Variants in SLIT3 observed in about 807,000 individuals in gnomAD.
SLIT3 encodes slit guidance ligand 3, also known as slit homolog 3 protein.
Under a neutral mutation model 184.0 loss-of-function variants are expected in SLIT3, and 68 were observed. The ratio of observed to expected loss-of-function variants is 0.37; its 90% CI spans 0.30 to 0.45. SLIT3 has a LOEUF of 0.45. Ranked by LOEUF, SLIT3 falls within the 20% of genes least tolerant of loss-of-function variation. SLIT3 has a pLI of 1.00. For missense variants in SLIT3, 1,707 were observed against 2,026.0 expected, an observed-to-expected ratio of 0.84 and a Z score of 3.02; for synonymous variants, 831 against 828.6, an observed-to-expected ratio of 1.00 and a Z score of -0.05.
intron 4 of SLIT3, among the ~76,000 whole-genome samples, chr5:168,884,359 G>A (rs746317360): frequency 2.3e-4 from 35 of 150,414 alleles, no homozygotes; most frequent in Non-Finnish European, 3.5e-4. Flanking sequence ...GTGCAGAGCC[G>A]GGGGCTAGGG....
At chr5:169,180,877 C>T (rs1763130920) in intron 4 of SLIT3, among the ~76,000 whole-genome samples, 1 of 152,198 alleles carries the variant, frequency 6.6e-6, no homozygotes, top group African/African-American at 2.4e-5. Context: ...CCCTTGAGAA[C>T]TGGTGGTTGG....
rs1352363656 is a variant in SLIT3, at chr5:168,712,266, G to C, written c.2555+17C>G. On this transcript the variant is annotated intron_variant, in intron 24 of 35. Transcript: ENST00000519560. ...TCATGTTTTGAATGTTCATTGGGGA[G>C]AAACACTGCTACTTACAGATGGGAA... is the stretch of plus-strand genomic sequence containing the variant. 3.1e-6 allele frequency: 5 copies of C among 1,607,372 alleles called. No individual in the cohort carries two copies.
intron 14 of SLIT3, among the ~76,000 whole-genome samples, chr5:168,769,906 A>G (rs541738023): frequency 6.6e-6 from 1 of 152,302 alleles, no homozygotes; most frequent in East Asian, 1.9e-4. Flanking sequence ...CAATTTATCC[A>G]TCTCTAGAAT....
chr5:168,783,722 A>G (rs1368222749), intron 12 of SLIT3, among the ~76,000 whole-genome samples: 3 of 152,182 alleles, frequency 2.0e-5, no homozygotes, highest in Non-Finnish European at 2.9e-5. Flanking sequence ...AGCAGGCTGA[A>G]CACTAAATTA....
chr5:169,191,982 T>C (rs1254019021), intron 4 of SLIT3, among the ~76,000 whole-genome samples: 5 of 152,190 alleles, frequency 3.3e-5, no homozygotes, highest in Non-Finnish European at 7.3e-5. Context: ...TCTGCTGTAG[T>C]ACTTAGTTAA....
At chr5:168,864,809 G>A (rs898539632) in intron 5 of SLIT3, among the ~76,000 whole-genome samples, 8 of 152,206 alleles carry the variant, frequency 5.3e-5, no homozygotes, top group African/African-American at 1.9e-4. Context: ...TGGGATAGAG[G>A]ACAGATTTTC....
intron 23 of SLIT3, 106 bp downstream of exon 23, chr5:168,722,150 G>T: frequency 1.1e-6 from 1 of 944,860 alleles, no homozygotes; most frequent in Non-Finnish European, 1.7e-6. Context: ...GTGTGTTTGG[G>T]GGTGGAGTGG....
At chr5:168,835,491 A>G (rs1458149025) in intron 6 of SLIT3, among the ~76,000 whole-genome samples, 3 of 151,826 alleles carry the variant, frequency 2.0e-5, no homozygotes, top group African/African-American at 7.3e-5. Context: ...AAAAAAAAAA[A>G]AGTGTTGTTT....
chr5:168,998,223 T>C (rs918074721), intron 4 of SLIT3, among the ~76,000 whole-genome samples: 4 of 152,150 alleles, frequency 2.6e-5, no homozygotes, highest in Non-Finnish European at 5.9e-5. Context: ...ATGAAACACA[T>C]CCGTTTCATC....
Position 169,021,571 on chromosome 5 carries a change from G to A in SLIT3, c.414-138235C>T, listed in dbSNP as rs1317048709. 4.6e-5 allele frequency among the ~76,000 whole-genome samples: 7 copies of A among 152,140 alleles called. No homozygotes were observed. In the East Asian group the frequency reaches 5.8e-4, roughly 13 times the overall value. On this transcript the variant is annotated intron_variant, in intron 4 of 35. Transcript: ENST00000519560. ...TCACCATGTTGGCCAGGCTGGTCTC[G>A]AACTCCTGACCTCTGGTGATCGACC...
At chr5:169,136,510 C>T (rs1278611698) in intron 4 of SLIT3, among the ~76,000 whole-genome samples, 8 of 152,142 alleles carry the variant, frequency 5.3e-5, no homozygotes, top group Admixed American at 5.2e-4. Context: ...GGTCCCTTGA[C>T]CAACCTTGCT....
chr5:168,833,527 T>A (rs62378510), intron 6 of SLIT3, among the ~76,000 whole-genome samples: 3,249 of 152,110 alleles, frequency 0.021, 40 homozygotes, highest in African/African-American at 0.031. Flanking sequence ...GGCACTAGAG[T>A]GGCCATTTCC....
Position 169,087,572 on chromosome 5 carries a change from A to G in SLIT3, c.413+105907T>C, listed in dbSNP as rs761346025. 2.5e-4 allele frequency among the ~76,000 whole-genome samples: 38 copies of G among 152,212 alleles called. 1 individual carries two copies. The highest frequency in any genetic ancestry group is 3.8e-4 in the Non-Finnish European group (26 of 68,044). On this transcript the variant is annotated intron_variant, in intron 4 of 35. Transcript: ENST00000519560. ...CCTAACATGAGGGGAATAGTTAGCTAAGGCATGCTGCAGCCACCCAGTGGA... is the reference window on the plus strand; with the variant it reads ...CCTAACATGAGGGGAATAGTTAGCTGAGGCATGCTGCAGCCACCCAGTGGA...
chr5:168,833,489 G>T (rs1451121713), intron 6 of SLIT3, among the ~76,000 whole-genome samples: 2 of 152,198 alleles, frequency 1.3e-5, no homozygotes, highest in African/African-American at 4.8e-5. Context: ...GTCTCTTCCA[G>T]ACTGCCATCT....
chr5:168,724,564 T>A, intron 20 of SLIT3, 80 bp from the exon 21 acceptor site: 3 of 1,221,120 alleles, frequency 2.5e-6, no homozygotes, highest in East Asian at 4.8e-5. Flanking sequence ...CCTCCCTGAC[T>A]TTCCAGGCTG....
At chr5:168,667,442 A>C (rs1761093220) in intron 35 of SLIT3, among the ~76,000 whole-genome samples, 1 of 152,234 alleles carries the variant, frequency 6.6e-6, no homozygotes, top group Non-Finnish European at 1.5e-5. Context: ...AATGAGCTGG[A>C]GTTGATATCT....
chr5:169,038,970 A>G (rs1002899981), intron 4 of SLIT3, among the ~76,000 whole-genome samples: 6 of 152,198 alleles, frequency 3.9e-5, no homozygotes, highest in African/African-American at 1.4e-4. Context: ...CCTAAGAAAA[A>G]AGCATGGAGA....
intron 20 of SLIT3, among the ~76,000 whole-genome samples, chr5:168,726,663 G>A (rs1194047681): frequency 6.6e-6 from 1 of 151,850 alleles, no homozygotes; most frequent in Admixed American, 6.6e-5. Flanking sequence ...AACACCAAGG[G>A]GCTTACTGCA....
chr5:169,169,987 T>C (rs1762765564), intron 4 of SLIT3, among the ~76,000 whole-genome samples: 1 of 152,194 alleles, frequency 6.6e-6, no homozygotes, highest in Non-Finnish European at 1.5e-5. Flanking sequence ...AGTTCAGGAA[T>C]GCCCTTCCTC....
Sources: allele counts gnomAD v4.1 joint callset (sites outside exome capture counted in the v4.1 genomes callset), GRCh38; gene constraint gnomAD v4.1.1; transcripts MANE v1.5; gene names NCBI Gene and HGNC (gene_info 2026-07-23, HGNC 2026-07-21).